KMT2B: variants seen among roughly 807,000 people sequenced by gnomAD.
KMT2B encodes lysine methyltransferase 2B.
KMT2B carries 22 observed loss-of-function variants against 255.3 expected under a neutral mutation model. The ratio of observed to expected loss-of-function variants is 0.09; its 90% CI spans 0.06 to 0.12. The LOEUF is 0.12. KMT2B is among the 10% of genes least tolerant of loss of function. KMT2B has a pLI of 1.00. For synonymous variants in KMT2B, 1,730 were observed against 1,498.1 expected (o/e 1.15, Z -3.57); for missense variants, 3,149 against 3,737.0 (o/e 0.84, Z 4.10).
At position 35,729,964 on chromosome 19, in the gene KMT2B, C is replaced by T; in HGVS notation, c.4918-3C>T. 1.2e-6 allele frequency: 2 copies of T among 1,611,652 alleles called. No individual in the cohort carries two copies. The highest frequency in any genetic ancestry group is 1.1e-5 in the South Asian group (1 of 90,802). On this transcript the variant is annotated splice_region_variant and splice_polypyrimidine_tract_variant and intron_variant, in intron 22 of 36. Coordinates refer to ENST00000420124, the MANE Select transcript of KMT2B (RefSeq NM_014727.3). ...CTCCCCTGAGCTGCCCTCCCCTACG[C>T]AGCGCTGCGAGCTCTGCCTGAAGCC...
chr19:35,731,906 A>C lies in KMT2B; in HGVS notation c.5438-2A>C. On this transcript the variant is annotated splice_acceptor_variant, in intron 26 of 36. Transcript: ENST00000420124. LOFTEE classifies it high-confidence loss of function. Reference sequence around the variant, plus strand: ...CCCCAATGCCATTTCTCGCCTCTTCAGAGCCCCCAGGTGGTGAGGACCCCC... The same window carrying C: ...CCCCAATGCCATTTCTCGCCTCTTCCGAGCCCCCAGGTGGTGAGGACCCCC... 6.2e-7 allele frequency: 1 copy of C among 1,611,470 alleles called. No individual in the cohort carries two copies.
chr19:35,724,660 G>A lies in KMT2B; in HGVS notation c.3358G>A (p.Glu1120Lys). 6.2e-7 allele frequency: 1 copy of A among 1,600,658 alleles called. No individual in the cohort carries two copies. The highest frequency in any genetic ancestry group is 1.1e-5 in the South Asian group (1 of 88,500). Reference sequence around the variant, plus strand: ...AGAGCTGCCACTGCCAGAACCTGAGGAGCAGAGCCGGCCCCGCAAACCTAC... The same window carrying A: ...AGAGCTGCCACTGCCAGAACCTGAGAAGCAGAGCCGGCCCCGCAAACCTAC... Reference protein sequence around the residue: ...ENELPLPEPEEQSRPRKPTLQ... With the variant: ...ENELPLPEPEKQSRPRKPTLQ... The change falls in exon 9 of 37, where the codon GAG becomes AAG. Residue 1120 changes from glutamate (E) to lysine (K), a missense_variant. Transcript: ENST00000420124.
rs1371358433 is a variant in KMT2B at position 35,728,108 on chromosome 19, C to A, written c.4508C>A (p.Ser1503Tyr). The A allele has an allele frequency of 6.3e-7, 1 of 1,597,838 alleles. No individual in the cohort carries two copies. The highest frequency in any genetic ancestry group is 8.5e-7 in the Non-Finnish European group (1 of 1,172,614). ...TAACCCACTCCCCAGCTGCTAGAATCTGCGTTCGGCTGGTTCGACGCCCAC... is the reference window on the plus strand; with the variant it reads ...TAACCCACTCCCCAGCTGCTAGAATATGCGTTCGGCTGGTTCGACGCCCAC... Reference protein sequence around the residue: ...MKGLLLKLLESAFGWFDAHDP... With the variant: ...MKGLLLKLLEYAFGWFDAHDP... Residue 1503 changes from serine to tyrosine, a missense_variant, in exon 19 of 37, where the codon TCT becomes TAT. By Grantham distance (144) the Ser-to-Tyr change is moderately radical. This residue lies in a region of KMT2B where 377 missense variants were observed against 471.0 expected (regional missense o/e 0.80). Coordinates refer to ENST00000420124, the MANE Select transcript of KMT2B (RefSeq NM_014727.3).
rs936236580 is a variant in KMT2B at position 35,722,832 on chromosome 19, G to A, written c.2722+114G>A. 2.1e-6 allele frequency: 3 copies of A among 1,445,168 alleles called. No individual in the cohort carries two copies. The African/African-American group carries it at 4.3e-5, about 21-fold the overall frequency. The allele number at this position is 1,445,168 out of a possible 1,614,324, so 89.5% of individuals were successfully genotyped here. On this transcript the variant is annotated intron_variant, in intron 5 of 36. Transcript: ENST00000420124. Reference sequence around the variant, plus strand: ...CAAGTCAGGTGCTCAGGGGTTAGGTGGCAAGTGGGCTGGAGTGCTAGGTCC... The same window carrying A: ...CAAGTCAGGTGCTCAGGGGTTAGGTAGCAAGTGGGCTGGAGTGCTAGGTCC...
intron 2 of KMT2B, 119 bp from the exon 3 acceptor site, chr19:35,719,665 A>C (rs1199941238): frequency 1.3e-6 from 2 of 1,517,108 alleles, no homozygotes; most frequent in Admixed American, 3.8e-5. Flanking sequence ...TCAGAGTCCA[A>C]GCTAGTCTGG....
Position 35,720,163 on chromosome 19 carries a change from C to T in KMT2B, c.816C>T (p.Pro272=), listed in dbSNP as rs769197411. The part of the protein sequence containing the change: ...QTGSWKCKEG[P]GPGPGTPRRG... ...GCAGCTGGAAATGCAAGGAGGGGCC[C>T]GGTCCAGGACCTGGGACCCCCAGGC... Residue 272 remains proline (P), a synonymous_variant, in exon 3 of 37, where the codon CCC becomes CCT. Coordinates refer to ENST00000420124, the MANE Select transcript of KMT2B (RefSeq NM_014727.3). The T allele has an allele frequency of 3.2e-5, 52 of 1,601,964 alleles. No homozygotes were observed. In the East Asian group the frequency reaches 4.5e-4, roughly 14 times the overall value.
Position 35,727,005 on chromosome 19 carries a change from G to T in KMT2B, c.4004-151G>T, listed in dbSNP as rs199516127. ...TCTCAAAAAAAAAAAAAAAAAAAAA[G>T]CCTCATCCTCAAGGAGCTTTTAGGG... On this transcript the variant is annotated intron_variant, in intron 14 of 36. Transcript: ENST00000420124. This position sits in a 1 kb window ranked among gnomAD's most constrained non-coding sequence, Gnocchi z 4.2. 2 of 271,728 alleles carry T rather than the reference G, an allele frequency of 7.4e-6. No homozygotes were observed. Among genetic ancestry groups the T allele is most frequent in the African/African-American group, 2.8e-5 (1 of 35,842 alleles). The allele number at this position is 271,728 out of a possible 1,614,324, so 16.8% of individuals were successfully genotyped here.
rs200093738 is a variant in KMT2B, at chr19:35,733,882, G to A, written c.7159+10G>A. On this transcript the variant is annotated intron_variant, in intron 30 of 36. Transcript: ENST00000420124. This position sits in a 1 kb window ranked among gnomAD's most constrained non-coding sequence, Gnocchi z 4.3. The stretch of plus-strand genomic sequence containing the variant: ...TGGCACCACTATTCAGGTAGGGACC[G>A]GCCTTGCCCTCTCCCTCCTTGCCTG... The A allele has an allele frequency of 1.6e-5, 26 of 1,591,172 alleles. No homozygotes were observed. Among genetic ancestry groups the A allele is most frequent in the Admixed American group, 1.3e-4 (8 of 59,440 alleles).
chr19:35,730,029 C>T lies in KMT2B; in HGVS notation c.4980C>T (p.Ser1660=). 6.2e-7 allele frequency: 1 copy of T among 1,613,828 alleles called. No homozygotes were observed. Among genetic ancestry groups the T allele is most frequent in the Non-Finnish European group, 8.5e-7 (1 of 1,179,852 alleles). ...GCTGCTGCCTGTCCTCCTGCCTCAG[C>T]AACTTCCACTTCATGTGTGCCCGGG... ...TVGCCLSSCL[S]NFHFMCARAS... The change falls in exon 23 of 37, where the codon AGC becomes AGT. Residue 1660 remains serine, a synonymous_variant. Transcript: ENST00000420124.
rs117600644 is a variant in KMT2B, at chr19:35,728,203, G to A, written c.4571+32G>A. 6.6e-3 allele frequency: 10,304 copies of A among 1,551,686 alleles called. 47 individuals are homozygous for A. Among genetic ancestry groups the A allele is most frequent in the Non-Finnish European group, 8.1e-3 (9,243 of 1,146,386 alleles). On this transcript the variant is annotated intron_variant, in intron 19 of 36. Coordinates refer to ENST00000420124, the MANE Select transcript of KMT2B (RefSeq NM_014727.3). Reference sequence around the variant, plus strand: ...AAGGCTGGGTAGCAGAAGGGAAGCCGGGGAGTGAGGGCAAGGCCAGGGCAT... The same window carrying A: ...AAGGCTGGGTAGCAGAAGGGAAGCCAGGGAGTGAGGGCAAGGCCAGGGCAT...
At position 35,718,653 on chromosome 19, in the gene KMT2B, A is replaced by G. The variant is rs1223597201; in HGVS notation, c.363+272A>G. ...ATCCTTTTCGGCAGCTGGCAAAGCT[A>G]GGGCGGTGGAGGTTTGGGCGAGGAG... On this transcript the variant is annotated intron_variant, in intron 1 of 36. Transcript: ENST00000420124. The surrounding 1 kb of genome is among the most constrained non-coding windows in gnomAD (Gnocchi z 5.0). 6.6e-6 allele frequency among the ~76,000 whole-genome samples: 1 copy of G among 152,192 alleles called. No homozygotes were observed. The highest frequency in any genetic ancestry group is 1.5e-5 in the Non-Finnish European group (1 of 68,022).
chr19:35,730,873 G>T lies in KMT2B; in HGVS notation c.5437+6G>T, dbSNP rs1969663313. On this transcript the variant is annotated splice_donor_region_variant and intron_variant, in intron 26 of 36. Transcript: ENST00000420124. ...CAGCCCCGCCCCTTCCTCAGGTGTG[G>T]CTTTGGCTCTGTCTTCTTCCTGAAT... 6.3e-7 allele frequency: 1 copy of T among 1,593,592 alleles called. No homozygotes were observed. Among genetic ancestry groups the T allele is most frequent in the East Asian group, 2.3e-5 (1 of 44,206 alleles).
In KMT2B at chr19:35,737,496, A is replaced by C; in HGVS notation, c.7551-140A>C. ...CAGGAGTTGGAGACCAGCGTAGGCA[A>C]CATGGCAAAACCCCATCTCTAAAAT... is the stretch of plus-strand genomic sequence containing the variant. On this transcript the variant is annotated intron_variant, in intron 33 of 36. Coordinates refer to ENST00000420124, the MANE Select transcript of KMT2B (RefSeq NM_014727.3). This position sits in a 1 kb window ranked among gnomAD's most constrained non-coding sequence, Gnocchi z 5.3. The C allele has an allele frequency of 1.3e-6, 1 of 745,748 alleles. No individual in the cohort carries two copies. Among genetic ancestry groups the C allele is most frequent in the Non-Finnish European group, 2.1e-6 (1 of 468,764 alleles). The allele number at this position is 745,748 out of a possible 1,614,324, so 46.2% of individuals were successfully genotyped here. A position where few individuals can be genotyped will look rare whatever the true frequency, so the allele number is the denominator to read the frequency against.
At position 35,737,414 on chromosome 19, in the gene KMT2B, G is replaced by T; in HGVS notation, c.7550+151G>T. ...TTTCTAGAGTTAGCCAGGCTCCGTG[G>T]CTCATGCCTGTAATCCCGCCACTTT... On this transcript the variant is annotated intron_variant, in intron 33 of 36. Transcript: ENST00000420124. The surrounding 1 kb of genome is among the most constrained non-coding windows in gnomAD (Gnocchi z 5.3). The T allele has an allele frequency of 1.0e-6, 1 of 959,144 alleles. No homozygotes were observed. The highest frequency in any genetic ancestry group is 1.8e-5 in the South Asian group (1 of 56,008). 59.4% of individuals were successfully genotyped at this position (959,144 alleles called of 1,614,324 possible).
At chr19:35,731,205 A>C (rs1444260509) in intron 26 of KMT2B, among the ~76,000 whole-genome samples, 1 of 152,224 alleles carries the variant, frequency 6.6e-6, no homozygotes, top group African/African-American at 2.4e-5. Context: ...TGAAGGGGAC[A>C]GTGGCTGAAC....
rs769014965 is a variant in KMT2B at position 35,727,852 on chromosome 19, G to T, written c.4393-29G>T. On this transcript the variant is annotated intron_variant, in intron 17 of 36. Transcript: ENST00000420124. The surrounding 1 kb of genome is among the most constrained non-coding windows in gnomAD (Gnocchi z 4.2). ...GAGAGGGCTGGAATTGTGCAGAGGG[G>T]ACTCAGTCTCTGACAAACCCCCTTA... The T allele has an allele frequency of 6.2e-7, 1 of 1,611,900 alleles. No homozygotes were observed. The highest frequency in any genetic ancestry group is 1.3e-5 in the African/African-American group (1 of 74,900).
At position 35,720,976 on chromosome 19, in the gene KMT2B, C is replaced by T. The variant is rs1969171469; in HGVS notation, c.1629C>T (p.Pro543=). The T allele has an allele frequency of 6.2e-7, 1 of 1,612,004 alleles. No individual in the cohort carries two copies. Among genetic ancestry groups the T allele is most frequent in the Non-Finnish European group, 8.5e-7 (1 of 1,179,314 alleles). ...SARSSRVIKT[P]RRFMDEDPPK... ...GCTCCTCCCGTGTCATCAAGACACCCCGGCGATTTATGGATGAAGACCCCC... is the reference window on the plus strand; with the variant it reads ...GCTCCTCCCGTGTCATCAAGACACCTCGGCGATTTATGGATGAAGACCCCC... Residue 543 remains proline (P), a synonymous_variant, in exon 3 of 37, where the codon CCC becomes CCT. Coordinates refer to ENST00000420124, the MANE Select transcript of KMT2B (RefSeq NM_014727.3).
At chr19:35,734,358 A>T (rs1969839962) in intron 30 of KMT2B, among the ~76,000 whole-genome samples, 1 of 152,116 alleles carries the variant, frequency 6.6e-6, no homozygotes, top group East Asian at 1.9e-4. Flanking sequence ...GTCCAGTGAG[A>T]GCAGGTGGCA....
chr19:35,721,289 C>T lies in KMT2B; in HGVS notation c.1942C>T (p.Arg648Trp), dbSNP rs1313945983. 1 of 1,541,962 alleles carries T rather than the reference C, an allele frequency of 6.5e-7. No individual in the cohort carries two copies. The highest frequency in any genetic ancestry group is 8.7e-7 in the Non-Finnish European group (1 of 1,145,778). The change falls in exon 3 of 37, where the codon CGG (arginine) becomes TGG (tryptophan). Residue 648 changes from arginine to tryptophan, a missense_variant. By Grantham distance (101) the Arg-to-Trp change is moderately radical. Transcript: ENST00000420124. ...ATSSRRPLLL[R>W]APQFTPSEAH... is the part of the protein sequence containing the mutation. ...CTCCTCCCGGAGGCCCCTACTCCTT[C>T]GGGCCCCTCAGTTTACCCCAAGCGA...
Sources: gnomAD v4.1 joint callset for allele counts (sites outside exome capture counted in the v4.1 genomes callset) on GRCh38, gnomAD v4.1.1 for gene constraint, gnomAD v4.1.1 regional missense constraint, Gnocchi (gnomAD v3.1) non-coding constraint, MANE v1.5 for transcripts, NCBI Gene and HGNC (gene_info 2026-07-23, HGNC 2026-07-21) for gene names.